Variants in MYH11 observed in about 807,000 individuals in gnomAD.
The protein encoded by MYH11 is myosin-11.
MYH11 carries 80 observed loss-of-function variants against 246.6 expected under a neutral mutation model. That is an observed-to-expected ratio of 0.32 (90% CI 0.27 to 0.39). MYH11 has a LOEUF of 0.39. Among genes scored for constraint, MYH11 ranks in the 10% least tolerant of loss-of-function variants. The pLI, the probability that MYH11 is intolerant of heterozygous loss-of-function variation, is 1.00. For missense variants in MYH11, 2,158 were observed against 2,546.8 expected, an observed-to-expected ratio of 0.85 and a Z score of 3.29; for synonymous variants, 1,071 against 1,015.5, an observed-to-expected ratio of 1.05 and a Z score of -1.04.
chr16:15,766,822 A>G (rs976142807), intron 9 of MYH11, among the ~76,000 whole-genome samples: 5 of 152,350 alleles, frequency 3.3e-5, no homozygotes, highest in Admixed American at 2.6e-4. Context: ...CCCAGGCCAT[A>G]AGAGATGAAC....
chr16:15,823,095 C>T (rs772036848), intron 3 of MYH11, among the ~76,000 whole-genome samples, 160 bp downstream of exon 3: 1 of 152,274 alleles, frequency 6.6e-6, no homozygotes, highest in Non-Finnish European at 1.5e-5. Flanking sequence ...TCCCAGGCTG[C>T]AAACACAGAT....
chr16:15,827,791 G>C (rs796477969), intron 2 of MYH11, among the ~76,000 whole-genome samples: 10 of 152,360 alleles, frequency 6.6e-5, no homozygotes, highest in African/African-American at 2.4e-4. Context: ...GCCTTGCACG[G>C]CGGCAGTAGG....
In MYH11 at chr16:15,703,959, TC is replaced by T. The variant is rs1481798046; in HGVS notation, c.*31del. On this transcript the variant is annotated 3_prime_UTR_variant, in exon 41 of 41. Coordinates refer to ENST00000300036, the MANE Select transcript of MYH11 (RefSeq NM_002474.3). ...GTTTGTTTGTTTTGGTTTTTGGTTTTCTTGCCGTGGTGCAAAACTGTAGAAA... is the reference window on the plus strand; with the variant it reads ...GTTTGTTTGTTTTGGTTTTTGGTTTTTTGCCGTGGTGCAAAACTGTAGAAA... 1 of 1,613,844 alleles carries T rather than the reference TC, an allele frequency of 6.2e-7. No individual in the cohort carries two copies. Among genetic ancestry groups the T allele is most frequent in the East Asian group, 2.2e-5 (1 of 44,862 alleles).
chr16:15,780,499 G>C (rs1463131431), intron 6 of MYH11, among the ~76,000 whole-genome samples: 1 of 7,714 alleles, frequency 1.3e-4, no homozygotes, highest in Admixed American at 1.0e-3. Flanking sequence ...TTTTTTTTTT[G>C]AGACAAGAGC....
chr16:15,767,267 CA>C (rs747806927), intron 9 of MYH11, among the ~76,000 whole-genome samples: 15 of 152,018 alleles, frequency 9.9e-5, no homozygotes, highest in Non-Finnish European at 2.1e-4. Context: ...ACATGAGTCT[CA>C]ATAAGTCCCA....
chr16:15,704,017 A>C lies in MYH11; in HGVS notation c.5893T>G (p.Phe1965Val). 1 of 1,614,090 alleles carries C rather than the reference A, an allele frequency of 6.2e-7. No individual in the cohort carries two copies. Among genetic ancestry groups the C allele is most frequent in the Non-Finnish European group, 8.5e-7 (1 of 1,180,018 alleles). Residue 1965 changes from phenylalanine to valine, a missense_variant, in exon 41 of 41, where the codon TTC becomes GTC. Physicochemically the swap from Phe to Val is conservative, Grantham distance 50 (BLOSUM62 -1). Coordinates refer to ENST00000300036, the MANE Select transcript of MYH11 (RefSeq NM_002474.3). ...EEETDTRDADFNGTKASE is the reference protein window; with the variant it reads ...EEETDTRDADVNGTKASE ...TATTCACTGGCCTTGGTTCCATTGA[A>C]GTCTGCGTCTCGAGTGTCCGTTTCC...
chr16:15,745,415 C>T (rs1411739269), intron 19 of MYH11, among the ~76,000 whole-genome samples, 178 bp from the exon 20 acceptor site: 1 of 152,092 alleles, frequency 6.6e-6, no homozygotes, highest in Non-Finnish European at 1.5e-5. Flanking sequence ...CTTAAATCAT[C>T]TACAGGACAG....
In MYH11 at chr16:15,823,464, T is replaced by C. The variant is rs2272552; in HGVS notation, c.346-53A>G. Reference sequence around the variant, plus strand: ...CAGACCTCCTCCAGGGTAGACAGATTGCACAGAAGCACTCAATATTCTCAT... The same window carrying C: ...CAGACCTCCTCCAGGGTAGACAGATCGCACAGAAGCACTCAATATTCTCAT... On this transcript the variant is annotated intron_variant, in intron 2 of 40. Coordinates refer to ENST00000300036, the MANE Select transcript of MYH11 (RefSeq NM_002474.3). 0.24 allele frequency: 388,937 copies of C among 1,607,718 alleles called. 47,813 individuals are homozygous for C. Among genetic ancestry groups the C allele is most frequent in the African/African-American group, 0.29 (21,706 of 74,746 alleles).
intron 2 of MYH11, among the ~76,000 whole-genome samples, chr16:15,829,968 C>G (rs921830855): frequency 6.6e-6 from 1 of 152,076 alleles, no homozygotes; most frequent in African/African-American, 2.4e-5. Flanking sequence ...AACCTCATCT[C>G]TACTAAAAAT....
chr16:15,838,333 C>G (rs1421871123), intron 1 of MYH11, 64 bp from the exon 2 acceptor site: 1 of 1,316,380 alleles, frequency 7.6e-7, no homozygotes, highest in African/African-American at 1.4e-5. Context: ...AGACCAACCA[C>G]TCACCTTGCC....
chr16:15,831,301 T>C (rs2043729456), intron 2 of MYH11, among the ~76,000 whole-genome samples: 1 of 152,194 alleles, frequency 6.6e-6, no homozygotes, highest in East Asian at 1.9e-4. Flanking sequence ...TATATTCCCT[T>C]ATACACTATT....
chr16:15,722,304 A>C (rs184067704), intron 31 of MYH11, among the ~76,000 whole-genome samples: 1 of 152,218 alleles, frequency 6.6e-6, no homozygotes, highest in Non-Finnish European at 1.5e-5. Context: ...AAGTATCCTA[A>C]GAGCCTCAGT....
At chr16:15,779,236 C>G (rs546915760) in intron 6 of MYH11, 139 of 343,748 alleles carry the variant, frequency 4.0e-4, no homozygotes, top group African/African-American at 2.8e-3. Context: ...CTCAAGCAAT[C>G]CCCTTTTCCC....
At chr16:15,809,400 T>A (rs1414563166) in intron 3 of MYH11, among the ~76,000 whole-genome samples, 2 of 151,566 alleles carry the variant, frequency 1.3e-5, no homozygotes, top group Non-Finnish European at 2.9e-5. Flanking sequence ...GGCGTGATGA[T>A]CTGTGCCTGT....
At chr16:15,747,004 C>G (rs991579851) in intron 19 of MYH11, among the ~76,000 whole-genome samples, 8 of 152,008 alleles carry the variant, frequency 5.3e-5, no homozygotes, top group African/African-American at 1.9e-4. Context: ...ACGAGAATTG[C>G]TTGAGTCCAA....
intron 27 of MYH11, among the ~76,000 whole-genome samples, chr16:15,727,739 C>T (rs774731389): frequency 1.3e-5 from 2 of 152,214 alleles, no homozygotes; most frequent in Non-Finnish European, 2.9e-5. Flanking sequence ...CTTTGGGAAG[C>T]AGGCAGAAGG....
intron 3 of MYH11, among the ~76,000 whole-genome samples, chr16:15,818,688 G>A (rs184175688): frequency 2.3e-3 from 353 of 152,012 alleles, no homozygotes; most frequent in African/African-American, 6.3e-3. Flanking sequence ...CCCCCACCTT[G>A]GCCTCCCAAA....
chr16:15,826,019 G>A (rs1028616136), intron 2 of MYH11, among the ~76,000 whole-genome samples: 3 of 152,116 alleles, frequency 2.0e-5, no homozygotes, highest in Non-Finnish European at 2.9e-5. Context: ...TGACTTGACC[G>A]AGGTCACCAA....
At chr16:15,793,856 C>G (rs946595753) in intron 4 of MYH11, among the ~76,000 whole-genome samples, 2 of 147,254 alleles carry the variant, frequency 1.4e-5, no homozygotes, top group African/African-American at 5.0e-5. Context: ...AACTCCTGAC[C>G]TCGTGATCCA....
Sources: allele counts gnomAD v4.1 joint callset (sites outside exome capture counted in the v4.1 genomes callset), GRCh38; gene constraint gnomAD v4.1.1; transcripts MANE v1.5; gene names NCBI Gene and HGNC (gene_info 2026-07-23, HGNC 2026-07-21).